The following VIT variants were observed in gnomAD, a reference collection of about 807,000 sequenced individuals.
VIT encodes vitrin.
In VIT, 99 loss-of-function variants were observed where a neutral mutation model predicts 78.0. That is an observed-to-expected ratio of 1.27 (90% CI 1.08 to 1.50). The LOEUF (loss-of-function observed/expected upper bound fraction) is 1.50. Among genes scored for constraint, VIT ranks in the 40% most tolerant of loss-of-function variants. The pLI is 0.00. For synonymous variants in VIT, 374 were observed against 334.3 expected (o/e 1.12, Z -1.29); for missense variants, 1,126 against 875.3 (o/e 1.29, Z -3.61).
intron 12 of VIT, among the ~76,000 whole-genome samples, chr2:36,792,308 G>A (rs1191582413): frequency 2.0e-5 from 3 of 152,178 alleles, no homozygotes; most frequent in African/African-American, 4.8e-5. Flanking sequence ...CCCACAAGCC[G>A]CACTCCTCAG....
chr2:36,798,630 G>A (rs1051759594), intron 12 of VIT, among the ~76,000 whole-genome samples: 6 of 152,086 alleles, frequency 3.9e-5, no homozygotes, highest in African/African-American at 1.2e-4. Context: ...ATGGTGAAAG[G>A]TGCCTGTAAT....
rs752999538 is a variant in VIT, at chr2:36,767,213, C to A, written c.607C>A (p.Pro203Thr). 6.2e-7 allele frequency: 1 copy of A among 1,608,144 alleles called. No individual in the cohort carries two copies. The highest frequency in any genetic ancestry group is 1.1e-5 in the South Asian group (1 of 89,656). The change falls in exon 7 of 16, where the codon CCA becomes ACA. Residue 203 changes from proline (P) to threonine (T), a missense_variant. Coordinates refer to ENST00000379242, the MANE Select transcript of VIT (RefSeq NM_053276.4). ...AVATPTTLPR[P>T]SPSAASTTSI... Reference sequence around the variant, plus strand: ...GGCCACCCCCACCACCTTGCCAAGGCCATCCCCTTCTGCTGCTTCTACCAC... The same window carrying A: ...GGCCACCCCCACCACCTTGCCAAGGACATCCCCTTCTGCTGCTTCTACCAC...
intron 6 of VIT, 87 bp downstream of exon 6, chr2:36,759,133 T>G: frequency 3.1e-6 from 5 of 1,613,014 alleles, no homozygotes; most frequent in Non-Finnish European, 4.2e-6. Flanking sequence ...AATTAACATC[T>G]TAACCGGTCA....
At chr2:36,736,101 A>G (rs1667495353) in intron 3 of VIT, among the ~76,000 whole-genome samples, 1 of 152,198 alleles carries the variant, frequency 6.6e-6, no homozygotes, top group African/African-American at 2.4e-5. Flanking sequence ...GATAAGTCTT[A>G]GAGCCATAGA....
rs140892584 is a variant in VIT, at chr2:36,706,415, T to C, written c.-19+9442T>C. On this transcript the variant is annotated intron_variant, in intron 1 of 15. Coordinates refer to ENST00000379242, the MANE Select transcript of VIT (RefSeq NM_053276.4). ...CAAAGGCTCAAAAACATCAATATCATGCACAGGAGACAGAGTCCAGCTGGA... is the reference window on the plus strand; with the variant it reads ...CAAAGGCTCAAAAACATCAATATCACGCACAGGAGACAGAGTCCAGCTGGA... Among the ~76,000 whole-genome samples, 33 of 152,240 alleles carry C rather than the reference T, an allele frequency of 2.2e-4. No individual in the cohort carries two copies. The Middle Eastern group carries it at 0.02, about 94-fold the overall frequency.
chr2:36,791,593 T>G (rs1006281493), intron 12 of VIT, among the ~76,000 whole-genome samples: 1 of 152,198 alleles, frequency 6.6e-6, no homozygotes, highest in Non-Finnish European at 1.5e-5. Context: ...CCAGCTATTG[T>G]CATTCAAAGG....
chr2:36,797,919 C>T (rs139832705), intron 12 of VIT, among the ~76,000 whole-genome samples: 2,505 of 152,240 alleles, frequency 0.016, 41 homozygotes, highest in Non-Finnish European at 0.025. Context: ...GAGAGATTGT[C>T]AGCTGGGGCT....
At chr2:36,783,267 G>A in intron 10 of VIT, 73 bp from the exon 11 acceptor site, 1 of 1,490,078 alleles carries the variant, frequency 6.7e-7, no homozygotes, top group Non-Finnish European at 9.3e-7. Flanking sequence ...TATCCATTAT[G>A]TCCCCTCCCA....
Position 36,702,632 on chromosome 2 carries a change from G to A in VIT, c.-19+5659G>A, listed in dbSNP as rs186621777. ...ACCTCTCTTCCCCTTGGCCACCAACGGTAGTCTCTTCGTGTCCAGAGTTGA... is the reference window on the plus strand; with the variant it reads ...ACCTCTCTTCCCCTTGGCCACCAACAGTAGTCTCTTCGTGTCCAGAGTTGA... On this transcript the variant is annotated intron_variant, in intron 1 of 15. Coordinates refer to ENST00000379242, the MANE Select transcript of VIT (RefSeq NM_053276.4). Among the ~76,000 whole-genome samples, 649 of 152,174 alleles carry A rather than the reference G, an allele frequency of 4.3e-3. 21 individuals are homozygous for A. The highest frequency in any genetic ancestry group is 0.034 in the Admixed American group (527 of 15,288).
At position 36,808,490 on chromosome 2, in the gene VIT, G is replaced by A. The variant is rs1274193745; in HGVS notation, c.1408G>A (p.Gly470Ser). 1.2e-6 allele frequency: 2 copies of A among 1,609,000 alleles called. No individual in the cohort carries two copies. Among genetic ancestry groups the A allele is most frequent in the South Asian group, 1.1e-5 (1 of 90,996 alleles). The change falls in exon 15 of 16, where the codon GGC becomes AGC. Residue 470 changes from glycine (G) to serine (S), a missense_variant. Physicochemically the swap from Gly to Ser is moderately conservative, Grantham distance 56. Transcript: ENST00000379242. ...FANKAVCRTN[G>S]FYSLHVQSWF... Reference sequence around the variant, plus strand: ...CTTCTAGGCCGTGTGCAGAACAAACGGCTTCTACTCGCTCCACGTGCAGAG... The same window carrying A: ...CTTCTAGGCCGTGTGCAGAACAAACAGCTTCTACTCGCTCCACGTGCAGAG...
At chr2:36,702,782 A>G (rs1573100727) in intron 1 of VIT, among the ~76,000 whole-genome samples, 1 of 152,238 alleles carries the variant, frequency 6.6e-6, no homozygotes, top group East Asian at 1.9e-4. Flanking sequence ...CCCATAGGGC[A>G]TGTCTATGGG....
At chr2:36,742,952 A>G (rs1667921738) in intron 3 of VIT, 148 bp from the exon 4 acceptor site, 1 of 966,734 alleles carries the variant, frequency 1.0e-6, no homozygotes, top group Admixed American at 2.8e-5. Flanking sequence ...TCTTAATTAC[A>G]TCTTTGCTTT....
chr2:36,733,753 C>T (rs567904541), intron 3 of VIT, among the ~76,000 whole-genome samples: 21 of 152,226 alleles, frequency 1.4e-4, no homozygotes, highest in Admixed American at 3.3e-4. Flanking sequence ...TACAGAAGGC[C>T]GGAGCCCTGG....
chr2:36,734,086 C>T (rs1287757663), intron 3 of VIT, among the ~76,000 whole-genome samples: 2 of 152,146 alleles, frequency 1.3e-5, no homozygotes. Flanking sequence ...TCTCACCCAG[C>T]CCAGACATCC....
At chr2:36,771,369 T>G (rs1378700797) in intron 7 of VIT, among the ~76,000 whole-genome samples, 1 of 151,742 alleles carries the variant, frequency 6.6e-6, no homozygotes, top group Non-Finnish European at 1.5e-5. Flanking sequence ...CTACTAAAAA[T>G]ACAAAAATTA....
At position 36,782,488 on chromosome 2, in the gene VIT, G is replaced by A. The variant is rs140979442; in HGVS notation, c.847+717G>A. Among the ~76,000 whole-genome samples, 830 of 152,304 alleles carry A rather than the reference G, an allele frequency of 5.4e-3. 9 individuals carry two copies. Among genetic ancestry groups the A allele is most frequent in the South Asian group, 0.029 (138 of 4,824 alleles). ...TAGAAAGCTCACTGCAGCCAAGCGCGAGCGAAGACCCCCGCACCTTCCTCC... is the reference window on the plus strand; with the variant it reads ...TAGAAAGCTCACTGCAGCCAAGCGCAAGCGAAGACCCCCGCACCTTCCTCC... On this transcript the variant is annotated intron_variant, in intron 10 of 15. Transcript: ENST00000379242.
At chr2:36,798,235 G>A (rs143558404) in intron 12 of VIT, among the ~76,000 whole-genome samples, 2 of 152,108 alleles carry the variant, frequency 1.3e-5, no homozygotes, top group East Asian at 1.9e-4. Context: ...AGGACTGAAG[G>A]TTCCTCTAGC....
chr2:36,787,832 G>C lies in VIT; in HGVS notation c.1058+556G>C, dbSNP rs1457800482. The C allele has an allele frequency of 6.6e-6, 3 of 456,218 alleles. No homozygotes were observed. In the Admixed American group the frequency reaches 7.1e-5, roughly 11 times the overall value. The allele number at this position is 456,218 out of a possible 1,614,324, so 28.3% of individuals were successfully genotyped here. A position where few individuals can be genotyped will look rare whatever the true frequency, so the allele number is the denominator to read the frequency against. ...GAAAAACTCACCAGGCAATGGAGAA[G>C]AATGGGTGGGAAGAGAGACGGCCCC... On this transcript the variant is annotated intron_variant, in intron 12 of 15. Transcript: ENST00000379242.
intron 7 of VIT, among the ~76,000 whole-genome samples, chr2:36,772,009 A>G (rs1305339364): frequency 6.6e-6 from 1 of 152,228 alleles, no homozygotes; most frequent in Non-Finnish European, 1.5e-5. Context: ...ATTGTATACC[A>G]GTAACTGCTG....
Sources: allele counts gnomAD v4.1 joint callset (sites outside exome capture counted in the v4.1 genomes callset), GRCh38; gene constraint gnomAD v4.1.1; transcripts MANE v1.5; gene names NCBI Gene and HGNC (gene_info 2026-07-23, HGNC 2026-07-21).